The following LSS variants were observed in gnomAD, a reference collection of about 807,000 sequenced individuals.
LSS encodes 2,3-epoxysqualene-lanosterol cyclase.
In LSS, 90 loss-of-function variants were observed where a neutral mutation model predicts 110.3. The ratio of observed to expected loss-of-function variants is 0.82; its 90% CI spans 0.69 to 0.97. The LOEUF (loss-of-function observed/expected upper bound fraction) is 0.97, where lower values mean the gene tolerates loss of function less well. Ranked by LOEUF, LSS falls within the 50% of genes least tolerant of loss-of-function variation. The pLI, the probability that LSS is intolerant of heterozygous loss-of-function variation, is 0.00. For missense variants in LSS, 927 were observed against 990.0 expected (o/e 0.94, Z 0.85); for synonymous variants, 433 against 400.0 (o/e 1.08, Z -0.98).
chr21:46,227,513 G>C (rs766421371), intron 3 of LSS, 39 bp downstream of exon 3: 35 of 1,611,662 alleles, frequency 2.2e-5, no homozygotes, highest in Non-Finnish European at 2.6e-5. Flanking sequence ...GGGTGATCCA[G>C]GGTGGCCATA....
chr21:46,206,053 C>A (rs1381011509), intron 16 of LSS, 112 bp from the exon 17 acceptor site: 3 of 771,608 alleles, frequency 3.9e-6, no homozygotes, highest in South Asian at 1.7e-5. Context: ...CGGGCCCGGA[C>A]GCTGCCTCCC....
In LSS at chr21:46,189,486, G is replaced by A. The variant is rs2079773717; in HGVS notation, c.*1618C>T. The A allele has an allele frequency of 5.6e-6, 2 of 355,382 alleles. No homozygotes were observed. The highest frequency in any genetic ancestry group is 1.1e-5 in the Non-Finnish European group (2 of 179,328). The allele number at this position is 355,382 out of a possible 1,614,324, so 22.0% of individuals were successfully genotyped here. A position where few individuals can be genotyped will look rare whatever the true frequency, so the allele number is the denominator to read the frequency against. ...AACAGGCAGCTGACCAAGCCCTGCA[G>A]GGCTCTGAGCAGGCAGGCGAGTCCC... is the stretch of plus-strand genomic sequence containing the variant. On this transcript the variant is annotated 3_prime_UTR_variant, in exon 22 of 22. Coordinates refer to ENST00000397728, the MANE Select transcript of LSS (RefSeq NM_002340.6).
Position 46,222,755 on chromosome 21 carries a change from A to T in LSS, c.320-17T>A, listed in dbSNP as rs531009048. 4.6e-5 allele frequency: 73 copies of T among 1,600,102 alleles called. No homozygotes were observed. In the South Asian group the frequency reaches 7.6e-4, roughly 17 times the overall value. On this transcript the variant is annotated splice_polypyrimidine_tract_variant and intron_variant, in intron 3 of 21. Transcript: ENST00000397728. The stretch of plus-strand genomic sequence containing the variant: ...TCAGGAGGCCTGTGTGGCAGGAGAG[A>T]TGTTCCTCACTGGGGACAGGTGGTC...
Position 46,206,663 on chromosome 21 carries a change from A to T in LSS, c.1564+9T>A. The T allele has an allele frequency of 6.2e-7, 1 of 1,610,406 alleles. No homozygotes were observed. Among genetic ancestry groups the T allele is most frequent in the Non-Finnish European group, 8.5e-7 (1 of 1,179,244 alleles). ...GGTTTGCGCGCCGCAGTGCTGGCCG[A>T]CCACTCACCGAAGACCTCCGAGGGG... On this transcript the variant is annotated intron_variant, in intron 16 of 21. Coordinates refer to ENST00000397728, the MANE Select transcript of LSS (RefSeq NM_002340.6).
chr21:46,194,487 C>T lies in LSS; in HGVS notation c.1988+4G>A. ...AGGCTCAGGGACGGTCCCGTCGTCC[C>T]CACCGAACGGCCATCAGCCCCATCA... On this transcript the variant is annotated splice_donor_region_variant and intron_variant, in intron 20 of 21. Coordinates refer to ENST00000397728, the MANE Select transcript of LSS (RefSeq NM_002340.6). 6.2e-7 allele frequency: 1 copy of T among 1,613,336 alleles called. No homozygotes were observed. Among genetic ancestry groups the T allele is most frequent in the African/African-American group, 1.3e-5 (1 of 75,070 alleles).
Position 46,209,492 on chromosome 21 carries a change from C to T in LSS, c.1266+62G>A. 1 of 1,472,990 alleles carries T rather than the reference C, an allele frequency of 6.8e-7. No individual in the cohort carries two copies. The highest frequency in any genetic ancestry group is 2.1e-5 in the Admixed American group (1 of 46,796). 91.2% of individuals were successfully genotyped at this position (1,472,990 alleles called of 1,614,324 possible). A position where few individuals can be genotyped will look rare whatever the true frequency, so the allele number is the denominator to read the frequency against. The stretch of plus-strand genomic sequence containing the variant: ...GAGGTGAGGTGGGCACTTCTGCCTG[C>T]AGGAGCTCCCAGCCCTGATCCCCCT... On this transcript the variant is annotated intron_variant, in intron 13 of 21. Transcript: ENST00000397728. This position sits in a 1 kb window ranked among gnomAD's most constrained non-coding sequence, Gnocchi z 4.4.
Position 46,189,272 on chromosome 21 carries a change from A to C in LSS, c.*1832T>G. The C allele has an allele frequency of 4.4e-6, 1 of 229,600 alleles. No individual in the cohort carries two copies. The highest frequency in any genetic ancestry group is 8.8e-6 in the Non-Finnish European group (1 of 114,148). 14.2% of individuals were successfully genotyped at this position (229,600 alleles called of 1,614,324 possible). ...GACCATGGCTAGGAGTCCCAGGGAC[A>C]GCAGCCTCTGCTCAGGGCAGACTCT... On this transcript the variant is annotated 3_prime_UTR_variant, in exon 22 of 22. Coordinates refer to ENST00000397728, the MANE Select transcript of LSS (RefSeq NM_002340.6).
rs960856060 is a variant in LSS, at chr21:46,205,888, C to A, written c.1618G>T (p.Ala540Ser). The A allele has an allele frequency of 6.2e-7, 1 of 1,611,526 alleles. No homozygotes were observed. The highest frequency in any genetic ancestry group is 1.3e-5 in the African/African-American group (1 of 74,900). ...YVECTSAVMQ[A>S]LKYFHKRFPE... ...AAACGCTTGTGGAAATACTTAAGCGCCTGCATCACGGCTGAGGTGCACTCC... is the reference window on the plus strand; with the variant it reads ...AAACGCTTGTGGAAATACTTAAGCGACTGCATCACGGCTGAGGTGCACTCC... The change falls in exon 17 of 22, where the codon GCG becomes TCG. Residue 540 changes from alanine to serine, a missense_variant. Coordinates refer to ENST00000397728, the MANE Select transcript of LSS (RefSeq NM_002340.6).
At chr21:46,194,016 A>C (rs1042030216) in intron 20 of LSS, among the ~76,000 whole-genome samples, 2 of 152,040 alleles carry the variant, frequency 1.3e-5, no homozygotes, top group Non-Finnish European at 2.9e-5. Flanking sequence ...CTCCATGTAC[A>C]TCTGTGTGTG....
intron 6 of LSS, among the ~76,000 whole-genome samples, chr21:46,217,761 C>G (rs940748345): frequency 6.6e-6 from 1 of 152,352 alleles, no homozygotes; most frequent in East Asian, 1.9e-4. Flanking sequence ...GGAACCCACA[C>G]CCCTCCTGCC....
At chr21:46,192,591 C>T (rs1449148068) in intron 20 of LSS, 4 of 297,346 alleles carry the variant, frequency 1.3e-5, no homozygotes, top group Middle Eastern at 3.8e-4. Flanking sequence ...TCTCCATGTA[C>T]GTATGTCTGT....
At chr21:46,203,589 A>G (rs2080007700) in intron 17 of LSS, among the ~76,000 whole-genome samples, 1 of 152,264 alleles carries the variant, frequency 6.6e-6, no homozygotes, top group African/African-American at 2.4e-5. Flanking sequence ...CTATTTTTTA[A>G]AAGGCCAATT....
Position 46,228,597 on chromosome 21 carries a change from C to T in LSS, c.17G>A (p.Cys6Tyr), listed in dbSNP as rs529578772. 5.0e-6 allele frequency: 8 copies of T among 1,591,994 alleles called. No homozygotes were observed. Among genetic ancestry groups the T allele is most frequent in the Middle Eastern group, 1.6e-4 (1 of 6,062 alleles). ...GTAGGGGCCCCCTCGGCGCCGCAGA[C>T]ACCTGAGGACCACCGGCCATCAGCG... MTEGTCLRRRGGPYKT... is the reference protein window; with the variant it reads MTEGTYLRRRGGPYKT... The change falls in exon 2 of 22, where the codon TGT becomes TAT. Residue 6 changes from cysteine (C) to tyrosine (Y), a missense_variant and splice_region_variant. Cys to Tyr is a radical substitution (Grantham distance 194). Transcript: ENST00000397728.
At chr21:46,218,114 G>A (rs558660898) in intron 6 of LSS, among the ~76,000 whole-genome samples, 298 of 25,090 alleles carry the variant, frequency 0.012, 1 homozygote, top group African/African-American at 0.052. Context: ...CCCCACCCCC[G>A]CACCAAAGTC....
intron 18 of LSS, 64 bp downstream of exon 18, chr21:46,196,138 T>C: frequency 1.4e-6 from 2 of 1,478,790 alleles, no homozygotes; most frequent in Non-Finnish European, 1.9e-6. Context: ...ATGAACGCAG[T>C]GTGTGAGAGC....
rs765635632 is a variant in LSS at position 46,219,579 on chromosome 21, G to T, written c.551-7C>A. Reference sequence around the variant, plus strand: ...GGGATGGCCACAGCACCACCTGAGCGGGGAGAGAATAGGCCCACGTCATCT... The same window carrying T: ...GGGATGGCCACAGCACCACCTGAGCTGGGAGAGAATAGGCCCACGTCATCT... On this transcript the variant is annotated splice_polypyrimidine_tract_variant and splice_region_variant and intron_variant, in intron 5 of 21. Transcript: ENST00000397728. 3 of 1,561,870 alleles carry T rather than the reference G, an allele frequency of 1.9e-6. No homozygotes were observed. Among genetic ancestry groups the T allele is most frequent in the Non-Finnish European group, 2.6e-6 (3 of 1,150,816 alleles).
rs16978976 is a variant in LSS at position 46,206,814 on chromosome 21, C to T, written c.1468-46G>A. ...CTAGAACTCGCCCATGTGCTGAGCA[C>T]ACACAGGCGCCCAGGGCACAGCGGA... On this transcript the variant is annotated intron_variant, in intron 15 of 21. Coordinates refer to ENST00000397728, the MANE Select transcript of LSS (RefSeq NM_002340.6). 110,908 of 1,435,124 alleles carry T rather than the reference C, an allele frequency of 0.077. 4,820 individuals are homozygous for T. The highest frequency in any genetic ancestry group is 0.093 in the Non-Finnish European group (95,761 of 1,027,234). The allele number at this position is 1,435,124 out of a possible 1,614,324, so 88.9% of individuals were successfully genotyped here.
At chr21:46,221,672 T>C in intron 5 of LSS, 182 bp downstream of exon 5, 1 of 874,334 alleles carries the variant, frequency 1.1e-6, no homozygotes, top group South Asian at 1.8e-5. Context: ...CTTAATTTGC[T>C]TTTTTAAAAA....
intron 12 of LSS, among the ~76,000 whole-genome samples, chr21:46,210,132 T>A (rs1297498585): frequency 1.5e-5 from 2 of 134,204 alleles, no homozygotes; most frequent in African/African-American, 5.7e-5. Flanking sequence ...AGTGGCACAA[T>A]CTCGGCTCGC....
Sources: allele counts gnomAD v4.1 joint callset (sites outside exome capture counted in the v4.1 genomes callset), GRCh38; gene constraint gnomAD v4.1.1; non-coding constraint Gnocchi (gnomAD v3.1); transcripts MANE v1.5; gene names NCBI Gene and HGNC (gene_info 2026-07-23, HGNC 2026-07-21).